The following ADCY5 variants were observed in gnomAD, a reference collection of about 807,000 sequenced individuals.
The protein encoded by ADCY5 is adenylate cyclase type 5.
In ADCY5, 30 loss-of-function variants were observed where a neutral mutation model predicts 119.7. The observed-to-expected ratio is 0.25, with a 90% CI of 0.19 to 0.34. The LOEUF is 0.34. ADCY5 is among the 10% of genes least tolerant of loss of function. The pLI is 1.00. For synonymous variants in ADCY5, 753 were observed against 762.2 expected, an observed-to-expected ratio of 0.99 and a Z score of 0.20; for missense variants, 1,324 against 1,775.2, an observed-to-expected ratio of 0.75 and a Z score of 4.57.
chr3:123,407,765 C>CAAAAAAAAAAAAAA (rs753730627), intron 1 of ADCY5, among the ~76,000 whole-genome samples: 25 of 65,810 alleles, frequency 3.8e-4, no homozygotes, highest in East Asian at 6.1e-4. Context: ...GACCCTGTCT[C>CAAAAAAAAAAAAAA]AAAAAAAAAA....
chr3:123,361,296 T>TA (rs957924199), intron 1 of ADCY5, among the ~76,000 whole-genome samples: 9 of 152,326 alleles, frequency 5.9e-5, no homozygotes, highest in Middle Eastern at 3.4e-3. Flanking sequence ...AGTCTTACTC[T>TA]AGTGTAGCTT....
chr3:123,323,697 T>C (rs2108363390), intron 8 of ADCY5, among the ~76,000 whole-genome samples: 1 of 152,202 alleles, frequency 6.6e-6, no homozygotes, highest in African/African-American at 2.4e-5. Flanking sequence ...TCTCGCTCTG[T>C]CCCCCAGGCT....
rs1576516136 is a variant in ADCY5 at position 123,284,520 on chromosome 3, C to T, written c.*88G>A. On this transcript the variant is annotated 3_prime_UTR_variant, in exon 21 of 21. Coordinates refer to ENST00000462833, the MANE Select transcript of ADCY5 (RefSeq NM_183357.3). ...AGCAGCGCAGCCCTGCGGGCTGGAG[C>T]ATGGCTTCCCCGCCACCCCCGGCAC... The T allele has an allele frequency of 2.5e-6, 4 of 1,569,082 alleles. No homozygotes were observed. Among genetic ancestry groups the T allele is most frequent in the Non-Finnish European group, 3.5e-6 (4 of 1,152,780 alleles).
chr3:123,316,816 T>C (rs1160748893), intron 11 of ADCY5, among the ~76,000 whole-genome samples: 1 of 152,140 alleles, frequency 6.6e-6, no homozygotes, highest in Non-Finnish European at 1.5e-5. Context: ...AGGAGGAAAA[T>C]GTCCTTAAGT....
intron 1 of ADCY5, among the ~76,000 whole-genome samples, chr3:123,373,792 A>T (rs543931668): frequency 1.7e-5 from 2 of 114,502 alleles, no homozygotes; most frequent in Non-Finnish European, 3.3e-5. Context: ...CAGGTAGCAG[A>T]GGATCAGGAC....
intron 17 of ADCY5, among the ~76,000 whole-genome samples, chr3:123,292,654 C>T (rs1304518439): frequency 6.6e-6 from 1 of 152,152 alleles, no homozygotes; most frequent in African/African-American, 2.4e-5. Flanking sequence ...CCATGTCCCT[C>T]GCCATGAATA....
intron 19 of ADCY5, among the ~76,000 whole-genome samples, chr3:123,288,274 G>A (rs951414316): frequency 2.6e-5 from 4 of 152,190 alleles, no homozygotes; most frequent in Non-Finnish European, 5.9e-5. Context: ...CCAATATTTC[G>A]GTATAATGTG....
At chr3:123,332,256 C>A (rs1941798366) in intron 4 of ADCY5, among the ~76,000 whole-genome samples, 1 of 152,214 alleles carries the variant, frequency 6.6e-6, no homozygotes, top group African/African-American at 2.4e-5. Flanking sequence ...GGGGTTTGGG[C>A]AGTGTGACCG....
chr3:123,408,453 C>T (rs1329202285), intron 1 of ADCY5, among the ~76,000 whole-genome samples: 2 of 142,560 alleles, frequency 1.4e-5, no homozygotes, highest in Non-Finnish European at 1.5e-5. Context: ...GTCAGGAGTT[C>T]GAGACCAGCC....
rs559869801 is a variant in ADCY5, at chr3:123,410,440, C to T, written c.1134+36972G>A. 3.3e-5 allele frequency among the ~76,000 whole-genome samples: 5 copies of T among 152,332 alleles called. 1 individual carries two copies. The South Asian group carries it at 1.0e-3, about 32-fold the overall frequency. ...TGGTAGAGCCATATCCCAAGGTGAA[C>T]TGCCTGTTGGGGAAGGGCTAATCTC... On this transcript the variant is annotated intron_variant, in intron 1 of 20. Coordinates refer to ENST00000462833, the MANE Select transcript of ADCY5 (RefSeq NM_183357.3).
chr3:123,377,179 C>T (rs917001397), intron 1 of ADCY5, among the ~76,000 whole-genome samples: 1 of 151,674 alleles, frequency 6.6e-6, no homozygotes, highest in African/African-American at 2.4e-5. Context: ...ACTTCCTCTC[C>T]CACTTCAAAC....
At chr3:123,384,158 G>A (rs1057313404) in intron 1 of ADCY5, among the ~76,000 whole-genome samples, 1 of 152,198 alleles carries the variant, frequency 6.6e-6, no homozygotes, top group African/African-American at 2.4e-5. Context: ...TAAGATTCCT[G>A]AGTCAGAGGG....
chr3:123,443,393 A>G (rs1251398243), intron 1 of ADCY5, among the ~76,000 whole-genome samples: 1 of 152,196 alleles, frequency 6.6e-6, no homozygotes, highest in African/African-American at 2.4e-5. Context: ...ATCTCCTTTC[A>G]AAGTTAACAC....
chr3:123,335,961 A>G (rs1222612885), intron 3 of ADCY5, among the ~76,000 whole-genome samples: 1 of 152,230 alleles, frequency 6.6e-6, no homozygotes, highest in Non-Finnish European at 1.5e-5. Context: ...GGGAGAGAAG[A>G]AAAGGTGAGG....
At position 123,310,610 on chromosome 3, in the gene ADCY5, G is replaced by A. The variant is rs140426081; in HGVS notation, c.2442+3625C>T. On this transcript the variant is annotated intron_variant, in intron 12 of 20. Transcript: ENST00000462833. The stretch of plus-strand genomic sequence containing the variant: ...GTGATGGTGAGCAGGGCTTTAACAT[G>A]GTTTTCTCTACGAAAAGCAGTTCTG... Among the ~76,000 whole-genome samples the A allele has an allele frequency of 2.4e-3, 370 of 152,298 alleles. 2 individuals carry two copies. The highest frequency in any genetic ancestry group is 8.7e-3 in the African/African-American group (360 of 41,544).
rs373748121 is a variant in ADCY5, at chr3:123,300,130, C to A, written c.2890G>T (p.Ala964Ser). Residue 964 changes from alanine (A) to serine (S), a missense_variant, in exon 15 of 21, where the codon GCC becomes TCC. Physicochemically the swap from Ala to Ser is moderately conservative, Grantham distance 99 (BLOSUM62 1). Coordinates refer to ENST00000462833, the MANE Select transcript of ADCY5 (RefSeq NM_183357.3). ...LFDNADLLVT[A>S]NAIDFFNNGT... ...GGAGGTGCCCCATACATGGCGTTGG[C>A]GGTGACCAGCAGGTCGGCGTTGTCG... 1.2e-4 allele frequency: 191 copies of A among 1,613,696 alleles called. No homozygotes were observed. The highest frequency in any genetic ancestry group is 1.5e-4 in the Non-Finnish European group (177 of 1,180,024).
At chr3:123,350,029 T>A (rs1471826963) in intron 2 of ADCY5, among the ~76,000 whole-genome samples, 1 of 152,080 alleles carries the variant, frequency 6.6e-6, no homozygotes, top group Non-Finnish European at 1.5e-5. Context: ...TGAAATGAAA[T>A]CCACACTCCA....
chr3:123,299,598 C>T lies in ADCY5; in HGVS notation c.2900+522G>A, dbSNP rs574492546. ...ACCTTCACACCTACCACCTCTAGGA[C>T]GTGGGACCTAACCTCTGCCACCACA... On this transcript the variant is annotated intron_variant, in intron 15 of 20. Transcript: ENST00000462833. Among the ~76,000 whole-genome samples, 20 of 152,342 alleles carry T rather than the reference C, an allele frequency of 1.3e-4. No homozygotes were observed. In the East Asian group the frequency reaches 3.3e-3, roughly 25 times the overall value.
intron 16 of ADCY5, 71 bp downstream of exon 16, chr3:123,297,282 C>T: frequency 6.3e-7 from 1 of 1,577,974 alleles, no homozygotes; most frequent in Non-Finnish European, 8.7e-7. Context: ...CCCACCTGGG[C>T]ACCAGCTGCC....
Sources: allele counts gnomAD v4.1 joint callset (sites outside exome capture counted in the v4.1 genomes callset), GRCh38; gene constraint gnomAD v4.1.1; transcripts MANE v1.5; gene names NCBI Gene and HGNC (gene_info 2026-07-23, HGNC 2026-07-21).